Variants in CWH43 observed in about 807,000 individuals in gnomAD.
CWH43 encodes PGAP2-interacting protein.
A neutral mutation model predicts 85.7 loss-of-function variants in CWH43; 91 were observed. The ratio of observed to expected loss-of-function variants is 1.06; its 90% confidence interval spans 0.90 to 1.26. The LOEUF (loss-of-function observed/expected upper bound fraction) is 1.26, where lower values mean the gene tolerates loss of function less well. Ranked by LOEUF, CWH43 falls within the 50% of genes most tolerant of loss-of-function variation. The pLI, the probability that CWH43 is intolerant of heterozygous loss-of-function variation, is 0.00. For synonymous variants in CWH43, 323 were observed against 293.6 expected (o/e 1.10, Z -1.02); for missense variants, 869 against 839.2 (o/e 1.04, Z -0.44).
Position 49,035,837 on chromosome 4 carries a change from T to C in CWH43, c.1659-2199T>C, listed in dbSNP as rs148574504. On this transcript the variant is annotated intron_variant, in intron 12 of 15. Transcript: ENST00000226432. ...GAATCCAATATATTCTACTAAAATA[T>C]ATTGGATTGAAAACACTGCCTGTGG... Among the ~76,000 whole-genome samples the C allele has an allele frequency of 3.9e-3, 599 of 152,262 alleles. 2 individuals carry two copies. Among genetic ancestry groups the C allele is most frequent in the Non-Finnish European group, 6.3e-3 (429 of 68,008 alleles).
chr4:49,009,746 G>T (rs1209571266), intron 8 of CWH43, among the ~76,000 whole-genome samples: 1 of 152,130 alleles, frequency 6.6e-6, no homozygotes, highest in Non-Finnish European at 1.5e-5. Context: ...CGTGGTTTTT[G>T]TCTTTGGTTC....
intron 9 of CWH43, among the ~76,000 whole-genome samples, chr4:49,023,240 A>G (rs1168124275): frequency 6.6e-6 from 1 of 152,138 alleles, no homozygotes; most frequent in Non-Finnish European, 1.5e-5. Flanking sequence ...TTGTGTCACT[A>G]TTATCATTCA....
chr4:48,993,371 C>T (rs543933937), intron 4 of CWH43, among the ~76,000 whole-genome samples: 4 of 152,180 alleles, frequency 2.6e-5, no homozygotes, highest in Non-Finnish European at 5.9e-5. Context: ...TCTGTCACCA[C>T]CGCCTTCTCC....
chr4:49,023,696 T>C (rs890752192), intron 9 of CWH43, among the ~76,000 whole-genome samples: 2 of 152,188 alleles, frequency 1.3e-5, no homozygotes, highest in African/African-American at 4.8e-5. Flanking sequence ...TTTTATTCCA[T>C]TGTGGTCCGA....
intron 13 of CWH43, among the ~76,000 whole-genome samples, chr4:49,043,941 CT>C (rs1784544814): frequency 6.6e-6 from 1 of 151,862 alleles, no homozygotes; most frequent in African/African-American, 2.4e-5. Context: ...GTGTCTACCA[CT>C]AAGCTTAAGA....
rs1051447 is a variant in CWH43, at chr4:49,061,855, C to A, written c.2065C>A (p.His689Asn). 0.66 allele frequency: 888,417 copies of A among 1,355,700 alleles called. 304,566 individuals are homozygous for A. Among genetic ancestry groups the A allele is most frequent in the Admixed American group, 0.76 (25,291 of 33,436 alleles). The allele number at this position is 1,355,700 out of a possible 1,614,324, so 84.0% of individuals were successfully genotyped here. Residue 689 changes from histidine (H) to asparagine (N), a missense_variant, in exon 16 of 16, where the codon CAT becomes AAT. Physicochemically the swap from His to Asn is moderately conservative, Grantham distance 68 (BLOSUM62 1). Transcript: ENST00000226432. ...AGGACACAATTATGAAAACAACCATCATTTTCATATGAATACTCCCAAATA... is the reference window on the plus strand; with the variant it reads ...AGGACACAATTATGAAAACAACCATAATTTTCATATGAATACTCCCAAATA... The part of the protein sequence containing the change: ...KEGHNYENNH[H>N]FHMNTPKYFL
intron 5 of CWH43, among the ~76,000 whole-genome samples, chr4:48,998,090 G>C (rs1782870499): frequency 6.6e-6 from 1 of 152,180 alleles, no homozygotes; most frequent in Non-Finnish European, 1.5e-5. Flanking sequence ...TATTGAGGTA[G>C]AGGAAAGAAA....
At chr4:49,031,792 T>G (rs1784107116) in intron 11 of CWH43, among the ~76,000 whole-genome samples, 1 of 152,174 alleles carries the variant, frequency 6.6e-6, no homozygotes, top group Non-Finnish European at 1.5e-5. Flanking sequence ...TACAATAGTT[T>G]AGATGTCAGG....
chr4:49,014,617 G>A (rs1241646843), intron 8 of CWH43, among the ~76,000 whole-genome samples: 1 of 150,368 alleles, frequency 6.7e-6, no homozygotes, highest in East Asian at 1.9e-4. Flanking sequence ...TTTTTTTGTT[G>A]TTGGTAAGAA....
chr4:49,039,339 G>A (rs538818434), intron 13 of CWH43, among the ~76,000 whole-genome samples: 625 of 5,002 alleles, frequency 0.12, 5 homozygotes, highest in Middle Eastern at 0.2. Context: ...ATATACTGAT[G>A]TATATATATA....
At chr4:49,028,818 A>G in intron 10 of CWH43, 84 bp downstream of exon 10, 1 of 852,944 alleles carries the variant, frequency 1.2e-6, no homozygotes, top group Non-Finnish European at 1.9e-6. Flanking sequence ...GCCATAACTT[A>G]ATGCAGGTAT....
At chr4:49,001,461 C>T (rs539071528) in intron 6 of CWH43, among the ~76,000 whole-genome samples, 1 of 151,908 alleles carries the variant, frequency 6.6e-6, no homozygotes, top group African/African-American at 2.4e-5. Context: ...ACTAACAGTG[C>T]GTATCATATA....
At chr4:49,045,784 A>G (rs1176570247) in intron 14 of CWH43, among the ~76,000 whole-genome samples, 1 of 152,130 alleles carries the variant, frequency 6.6e-6, no homozygotes, top group Non-Finnish European at 1.5e-5. Flanking sequence ...GGGGGGGTAC[A>G]ATGTGGTATT....
At chr4:49,052,525 G>T (rs1784830290) in intron 15 of CWH43, among the ~76,000 whole-genome samples, 1 of 152,146 alleles carries the variant, frequency 6.6e-6, no homozygotes, top group South Asian at 2.1e-4. Context: ...CCCTCCTTTT[G>T]CTGATTGAGA....
Position 49,061,902 on chromosome 4 carries a change from C to T in CWH43, c.*12C>T. ...AATACTTTTTATGAAACATTTAAAACAAGAAGTTATTGGCTGGGAAAATCT... is the reference window on the plus strand; with the variant it reads ...AATACTTTTTATGAAACATTTAAAATAAGAAGTTATTGGCTGGGAAAATCT... On this transcript the variant is annotated 3_prime_UTR_variant, in exon 16 of 16. Coordinates refer to ENST00000226432, the MANE Select transcript of CWH43 (RefSeq NM_025087.3). 7.5e-7 allele frequency: 1 copy of T among 1,336,960 alleles called. No individual in the cohort carries two copies. Among genetic ancestry groups the T allele is most frequent in the Non-Finnish European group, 9.9e-7 (1 of 1,010,512 alleles). The allele number at this position is 1,336,960 out of a possible 1,614,324, so 82.8% of individuals were successfully genotyped here.
At chr4:48,986,691 C>T (rs761500070) in intron 1 of CWH43, 145 of 1,339,606 alleles carry the variant, frequency 1.1e-4, no homozygotes, top group Non-Finnish European at 1.3e-4. Context: ...GCGAGGCGCC[C>T]GCGAGAGACC....
intron 5 of CWH43, among the ~76,000 whole-genome samples, chr4:48,996,330 C>T (rs11729608): frequency 0.57 from 86,063 of 150,050 alleles, 27,920 homozygotes; most frequent in Middle Eastern, 0.75. Flanking sequence ...CACACACACA[C>T]ATATATATAT....
At chr4:49,041,469 A>G (rs547305837) in intron 13 of CWH43, among the ~76,000 whole-genome samples, 1 of 152,234 alleles carries the variant, frequency 6.6e-6, no homozygotes, top group East Asian at 1.9e-4. Flanking sequence ...CATCCCTTGT[A>G]AGTTGGATTC....
In CWH43 at chr4:48,992,357, G is replaced by A. The variant is rs1407515353; in HGVS notation, c.511+267G>A. Among the ~76,000 whole-genome samples, 3 of 152,096 alleles carry A rather than the reference G, an allele frequency of 2.0e-5. No homozygotes were observed. Among genetic ancestry groups the A allele is most frequent in the South Asian group, 2.1e-4 (1 of 4,826 alleles). On this transcript the variant is annotated intron_variant, in intron 4 of 15. Coordinates refer to ENST00000226432, the MANE Select transcript of CWH43 (RefSeq NM_025087.3). This position sits in a 1 kb window ranked among gnomAD's most constrained non-coding sequence, Gnocchi z 4.3. ...TGTGGCAGTGGGAGACGAGAACCAG[G>A]CCTCATATCCCAGCTGGCATTCAGC... is the stretch of plus-strand genomic sequence containing the variant.
Sources: gnomAD v4.1 joint callset for allele counts (sites outside exome capture counted in the v4.1 genomes callset) on GRCh38, gnomAD v4.1.1 for gene constraint, Gnocchi (gnomAD v3.1) non-coding constraint, MANE v1.5 for transcripts, NCBI Gene and HGNC (gene_info 2026-07-23, HGNC 2026-07-21) for gene names.